Variants in REV3L observed in about 807,000 individuals in gnomAD.
The protein encoded by REV3L is REV3 like, DNA directed polymerase zeta catalytic subunit.
Under a neutral mutation model 299.4 loss-of-function variants are expected in REV3L, and 69 were observed. The ratio of observed to expected loss-of-function variants is 0.23; its 90% CI spans 0.19 to 0.28. The LOEUF is 0.28. Among genes scored for constraint, REV3L ranks in the 10% least tolerant of loss-of-function variants. The pLI is 1.00. For synonymous variants in REV3L, 1,238 were observed against 1,271.4 expected, an observed-to-expected ratio of 0.97 and a Z score of 0.56; for missense variants, 3,128 against 3,693.8, an observed-to-expected ratio of 0.85 and a Z score of 3.97.
Position 111,375,107 on chromosome 6 carries a change from G to C in REV3L, c.3248C>G (p.Ala1083Gly). The change falls in exon 13 of 32, where the codon GCT becomes GGT. Residue 1083 changes from alanine (A) to glycine (G), a missense_variant. Coordinates refer to ENST00000368802, the MANE Select transcript of REV3L (RefSeq NM_001372078.1). ...TLSFRKKRSH[A>G]ILSPPSPSYN... ...AGATGGTGAGGGAGGAGAAAGAATAGCATGTGACCGTTTTTTCCTGAAAGA... is the reference window on the plus strand; with the variant it reads ...AGATGGTGAGGGAGGAGAAAGAATACCATGTGACCGTTTTTTCCTGAAAGA... 2 of 1,611,998 alleles carry C rather than the reference G, an allele frequency of 1.2e-6. No individual in the cohort carries two copies. The highest frequency in any genetic ancestry group is 1.7e-6 in the Non-Finnish European group (2 of 1,179,412).
Position 111,359,018 on chromosome 6 carries a change from T to C in REV3L, c.6880-4A>G. 2 of 1,600,872 alleles carry C rather than the reference T, an allele frequency of 1.2e-6. No homozygotes were observed. The highest frequency in any genetic ancestry group is 1.7e-6 in the Non-Finnish European group (2 of 1,172,084). ...TGATTAGGGTAAGATTTTGTATCTA[T>C]AAAAGCAAATAAATACTATGTTTTT... is the stretch of plus-strand genomic sequence containing the variant. On this transcript the variant is annotated splice_region_variant and splice_polypyrimidine_tract_variant and intron_variant, in intron 16 of 31. Coordinates refer to ENST00000368802, the MANE Select transcript of REV3L (RefSeq NM_001372078.1).
Position 111,367,213 on chromosome 6 carries a change from C to T in REV3L, c.6575G>A (p.Gly2192Glu), listed in dbSNP as rs777665472. Reference sequence around the variant, plus strand: ...ATGAAAGCAAAGTGATTCACATTTCCCAGTTCTTGCCCTAGTATTAATTGG... The same window carrying T: ...ATGAAAGCAAAGTGATTCACATTTCTCAGTTCTTGCCCTAGTATTAATTGG... ...ISPINTRART[G>E]KCESLCFHST... Residue 2192 changes from glycine to glutamate, a missense_variant, in exon 14 of 32, where the codon GGG (glycine) becomes GAG (glutamate). Transcript: ENST00000368802. 6.2e-7 allele frequency: 1 copy of T among 1,614,022 alleles called. No homozygotes were observed. Among genetic ancestry groups the T allele is most frequent in the Non-Finnish European group, 8.5e-7 (1 of 1,179,962 alleles).
chr6:111,344,921 A>G (rs531907029), intron 20 of REV3L, among the ~76,000 whole-genome samples: 5 of 152,240 alleles, frequency 3.3e-5, no homozygotes, highest in Non-Finnish European at 5.9e-5. Flanking sequence ...GCAGTGACCC[A>G]AATTGGTCTT....
intron 1 of REV3L, among the ~76,000 whole-genome samples, chr6:111,420,000 A>G (rs1205814361): frequency 1.3e-5 from 2 of 152,204 alleles, no homozygotes; most frequent in African/African-American, 4.8e-5. Flanking sequence ...GCCTGCCACC[A>G]TGCCCGGCTA....
chr6:111,380,195 A>G lies in REV3L; in HGVS notation c.1241T>C (p.Leu414Pro), dbSNP rs748685480. The G allele has an allele frequency of 2.5e-5, 40 of 1,613,514 alleles. No individual in the cohort carries two copies. The highest frequency in any genetic ancestry group is 3.4e-5 in the Non-Finnish European group (40 of 1,179,562). The change falls in exon 11 of 32, where the codon CTG becomes CCG. Residue 414 changes from leucine to proline, a missense_variant. By Grantham distance (98) the Leu-to-Pro change is moderately conservative. Around this residue, in one of 9 missense-constraint regions of REV3L, gnomAD observed 2,409 missense variants for 2,611.8 expected, o/e 0.92. Coordinates refer to ENST00000368802, the MANE Select transcript of REV3L (RefSeq NM_001372078.1). ...TTCCAAACCAGCAAGAAGATGTACC[A>G]GAGCCTCATCAGGACTACTGTCCAC... ...VFMDSSPDEA[L>P]VHLLAGLESD...
chr6:111,453,544 C>T (rs1789801416), intron 1 of REV3L, among the ~76,000 whole-genome samples: 1 of 152,156 alleles, frequency 6.6e-6, no homozygotes, highest in Non-Finnish European at 1.5e-5. Context: ...TTGACCTTAC[C>T]AAGCCTGAAG....
chr6:111,311,540 CGTTAA>C (rs905687979), intron 28 of REV3L: 3 of 219,604 alleles, frequency 1.4e-5, no homozygotes, highest in African/African-American at 4.6e-5. Context: ...ACATAAAACA[CGTTAA>C]GTTTTTTTTT....
chr6:111,470,805 T>G (rs1792106573), intron 1 of REV3L, among the ~76,000 whole-genome samples: 1 of 151,846 alleles, frequency 6.6e-6, no homozygotes, highest in African/African-American at 2.4e-5. Flanking sequence ...CATGGTGAAA[T>G]TCCATCTCTA....
At chr6:111,480,184 C>A (rs1159527157) in intron 1 of REV3L, among the ~76,000 whole-genome samples, 1 of 152,092 alleles carries the variant, frequency 6.6e-6, no homozygotes, top group Non-Finnish European at 1.5e-5. Flanking sequence ...CAAAGTAATT[C>A]TTATATATGA....
At position 111,329,699 on chromosome 6, in the gene REV3L, C is replaced by G; in HGVS notation, c.8074G>C (p.Glu2692Gln). 1 of 1,613,786 alleles carries G rather than the reference C, an allele frequency of 6.2e-7. No homozygotes were observed. Residue 2692 changes from glutamate (E) to glutamine (Q), a missense_variant, in exon 25 of 32, where the codon GAA becomes CAA. By Grantham distance (29) the Glu-to-Gln change is conservative (BLOSUM62 2). Coordinates refer to ENST00000368802, the MANE Select transcript of REV3L (RefSeq NM_001372078.1). ...ACCATAAATCTAGTCTTCAAAATTT[C>G]TTCAAGCATTCTTGGTAGTACACCT... ...RKGVLPRMLEEILKTRFMVKQ... is the reference protein window; with the variant it reads ...RKGVLPRMLEQILKTRFMVKQ...
intron 1 of REV3L, among the ~76,000 whole-genome samples, chr6:111,470,817 T>C (rs1792108322): frequency 6.6e-6 from 1 of 151,966 alleles, no homozygotes; most frequent in Non-Finnish European, 1.5e-5. Flanking sequence ...CCATCTCTAC[T>C]AAAAATACAA....
At chr6:111,457,370 A>C (rs530777579) in intron 1 of REV3L, among the ~76,000 whole-genome samples, 1 of 152,194 alleles carries the variant, frequency 6.6e-6, no homozygotes, top group South Asian at 2.1e-4. Flanking sequence ...AGCTTAGTTC[A>C]TAAGTCATTA....
At chr6:111,439,200 G>T (rs1787948762) in intron 1 of REV3L, among the ~76,000 whole-genome samples, 1 of 152,098 alleles carries the variant, frequency 6.6e-6, no homozygotes, top group South Asian at 2.1e-4. Context: ...TTCATTTTAT[G>T]TTTAGAGTAT....
intron 1 of REV3L, among the ~76,000 whole-genome samples, chr6:111,477,120 T>C (rs1339233344): frequency 1.3e-5 from 2 of 152,238 alleles, no homozygotes; most frequent in Admixed American, 6.5e-5. Flanking sequence ...CACATACTTC[T>C]ACAACATGTT....
chr6:111,444,934 A>G (rs925438800), intron 1 of REV3L, among the ~76,000 whole-genome samples: 4 of 152,212 alleles, frequency 2.6e-5, no homozygotes, highest in Non-Finnish European at 5.9e-5. Flanking sequence ...CTTTCCCAGA[A>G]GTATAGTGGC....
At chr6:111,447,689 G>T (rs1016943988) in intron 1 of REV3L, among the ~76,000 whole-genome samples, 1 of 152,176 alleles carries the variant, frequency 6.6e-6, no homozygotes, top group African/African-American at 2.4e-5. Context: ...GATGTGAGGG[G>T]CAGTGATCCA....
chr6:111,472,181 A>C, intron 1 of REV3L: 1 of 1,219,620 alleles, frequency 8.2e-7, no homozygotes, highest in South Asian at 1.4e-5. Flanking sequence ...TGTTCTGAGA[A>C]ACTGCGAGTA....
intron 31 of REV3L, among the ~76,000 whole-genome samples, chr6:111,304,631 G>A (rs1356964763): frequency 8.1e-6 from 1 of 124,026 alleles, no homozygotes; most frequent in Non-Finnish European, 1.6e-5. Context: ...TTTTTTTTTC[G>A]ATCCAAGGGT....
At chr6:111,431,481 C>A in intron 1 of REV3L, 1 of 1,018,332 alleles carries the variant, frequency 9.8e-7, no homozygotes, top group Non-Finnish European at 1.6e-6. Context: ...CACCAGATTG[C>A]TCAGGGAGCT....
Sources: allele counts gnomAD v4.1 joint callset (sites outside exome capture counted in the v4.1 genomes callset), GRCh38; gene constraint gnomAD v4.1.1; regional missense constraint gnomAD v4.1.1; transcripts MANE v1.5; gene names NCBI Gene and HGNC (gene_info 2026-07-23, HGNC 2026-07-21).